Variants in ANAPC10 observed in about 807,000 individuals in gnomAD.
ANAPC10 encodes the protein anaphase-promoting complex subunit 10.
ANAPC10 carries 12 observed loss-of-function variants against 22.0 expected under a neutral mutation model. The observed-to-expected ratio is 0.55, with a 90% confidence interval of 0.35 to 0.88. ANAPC10 has a LOEUF of 0.88. Among genes scored for constraint, ANAPC10 ranks in the 40% least tolerant of loss-of-function variants. The probability of loss-of-function intolerance (pLI) is 0.01; values close to 1 mark genes in which losing one functional copy is unlikely to be tolerated. For synonymous variants in ANAPC10, 65 were observed against 69.5 expected, an observed-to-expected ratio of 0.94 and a Z score of 0.32; for missense variants, 188 against 220.9, an observed-to-expected ratio of 0.85 and a Z score of 0.94.
At position 145,026,958 on chromosome 4, in the gene ANAPC10, T is replaced by TGTATATATAC. The variant is rs1357652240; in HGVS notation, c.328-31356_328-31355insGTATATATAC. On this transcript the variant is annotated intron_variant, in intron 4 of 4. Coordinates refer to ENST00000507656, the MANE Select transcript of ANAPC10 (RefSeq NM_001256706.2). Reference sequence around the variant, plus strand: ...ATATATATATATATGTGTGTGTGTGTATATATATATATATATATATATATA... The same window carrying TGTATATATAC: ...ATATATATATATATGTGTGTGTGTGTGTATATATACATATATATATATATATATATATATA... Among the ~76,000 whole-genome samples, 2 of 16,934 alleles carry TGTATATATAC rather than the reference T, an allele frequency of 1.2e-4. 1 individual carries two copies. Among genetic ancestry groups the TGTATATATAC allele is most frequent in the African/African-American group, 6.5e-4 (2 of 3,090 alleles). 11.1% of individuals were successfully genotyped at this position (16,934 alleles called of 152,430 possible).
At chr4:145,059,562 C>G (rs1742574341) in intron 4 of ANAPC10, among the ~76,000 whole-genome samples, 1 of 152,024 alleles carries the variant, frequency 6.6e-6, no homozygotes. Flanking sequence ...AAGCAATAAA[C>G]CAAAGGACAA....
chr4:145,015,035 C>A, intron 4 of ANAPC10, among the ~76,000 whole-genome samples: 1 of 152,126 alleles, frequency 6.6e-6, no homozygotes, highest in African/African-American at 2.4e-5. Flanking sequence ...GGCTCCTTAA[C>A]ACCCCCCAAA....
intron 4 of ANAPC10, among the ~76,000 whole-genome samples, chr4:145,009,342 C>T (rs926610324): frequency 4.5e-4 from 68 of 152,204 alleles, no homozygotes; most frequent in Non-Finnish European, 8.4e-4. Flanking sequence ...CTTTAAAGTT[C>T]ATATGGAACC....
intron 4 of ANAPC10, among the ~76,000 whole-genome samples, chr4:145,011,891 G>A (rs1734372549): frequency 6.6e-6 from 1 of 152,016 alleles, no homozygotes; most frequent in African/African-American, 2.4e-5. Context: ...ACTTGCCAAG[G>A]GGAAGGAGCA....
chr4:145,009,813 T>A (rs1019003623), intron 4 of ANAPC10, among the ~76,000 whole-genome samples: 1 of 152,118 alleles, frequency 6.6e-6, no homozygotes, highest in Non-Finnish European at 1.5e-5. Context: ...AAAGCCAAAA[T>A]TGACAAATGG....
chr4:145,088,462 T>TACTCCCTCC lies in ANAPC10; in HGVS notation c.116-6721_116-6713dup, dbSNP rs1747209725. ...TTTATTTTTTGACCCAAAATCTATT[T>TACTCCCTCC]ACTCCCTCCACTCCCTCCTTCTTTC... On this transcript the variant is annotated intron_variant, in intron 2 of 4. Coordinates refer to ENST00000507656, the MANE Select transcript of ANAPC10 (RefSeq NM_001256706.2). Among the ~76,000 whole-genome samples, 7 of 152,218 alleles carry TACTCCCTCC rather than the reference T, an allele frequency of 4.6e-5. No individual in the cohort carries two copies. In the South Asian group the frequency reaches 1.4e-3, roughly 31 times the overall value.
At chr4:145,027,552 T>C (rs968293143) in intron 4 of ANAPC10, among the ~76,000 whole-genome samples, 2 of 152,074 alleles carry the variant, frequency 1.3e-5, no homozygotes, top group Non-Finnish European at 2.9e-5. Flanking sequence ...GAAACACATA[T>C]GCAATAAGGC....
chr4:145,005,580 T>C (rs1349363597), intron 4 of ANAPC10, among the ~76,000 whole-genome samples: 1 of 152,166 alleles, frequency 6.6e-6, no homozygotes, highest in Non-Finnish European at 1.5e-5. Context: ...CTTTCTAACT[T>C]TTTGATGTGG....
At chr4:145,083,019 C>G (rs1746306142) in intron 2 of ANAPC10, among the ~76,000 whole-genome samples, 1 of 152,088 alleles carries the variant, frequency 6.6e-6, no homozygotes, top group African/African-American at 2.4e-5. Context: ...TATATGTATT[C>G]TTTCTATTCC....
chr4:145,028,308 C>G lies in ANAPC10; in HGVS notation c.328-32705G>C, dbSNP rs1399976747. 3.3e-5 allele frequency among the ~76,000 whole-genome samples: 5 copies of G among 152,034 alleles called. No homozygotes were observed. In the East Asian group the frequency reaches 9.6e-4, roughly 29 times the overall value. On this transcript the variant is annotated intron_variant, in intron 4 of 4. Transcript: ENST00000507656. ...GAAAAGGAGAGACGAGCCTAGCCTC[C>G]CAGCCTGCATCTTTCTCCCATGATG...
intron 4 of ANAPC10, among the ~76,000 whole-genome samples, chr4:145,062,431 C>T (rs1188548684): frequency 6.6e-6 from 1 of 151,846 alleles, no homozygotes; most frequent in Non-Finnish European, 1.5e-5. Context: ...AACAGCGAAA[C>T]TCCATCTCTA....
chr4:145,080,997 C>G (rs537217479), intron 3 of ANAPC10, among the ~76,000 whole-genome samples: 2 of 151,094 alleles, frequency 1.3e-5, no homozygotes, highest in African/African-American at 4.9e-5. Flanking sequence ...TCAGCCAGGC[C>G]CAGTGGTTCA....
At chr4:145,031,455 T>G (rs2127057316) in intron 4 of ANAPC10, among the ~76,000 whole-genome samples, 1 of 152,312 alleles carries the variant, frequency 6.6e-6, no homozygotes, top group East Asian at 1.9e-4. Context: ...ATTTGGCCCC[T>G]CCTACAACCA....
At chr4:145,065,725 A>G (rs1743577380) in intron 3 of ANAPC10, among the ~76,000 whole-genome samples, 1 of 152,076 alleles carries the variant, frequency 6.6e-6, no homozygotes. Context: ...TCATGTACAT[A>G]TATAGTTACA....
At chr4:145,074,340 C>T (rs1425991967) in intron 3 of ANAPC10, among the ~76,000 whole-genome samples, 1 of 151,896 alleles carries the variant, frequency 6.6e-6, no homozygotes, top group East Asian at 1.9e-4. Context: ...TTTTTCCCTT[C>T]ATTTAATTAT....
At position 145,064,705 on chromosome 4, in the gene ANAPC10, A is replaced by C. The variant is rs979942999; in HGVS notation, c.207-13T>G. On this transcript the variant is annotated splice_polypyrimidine_tract_variant and intron_variant, in intron 3 of 4. Transcript: ENST00000507656. ...TGTTGTTTTTCTTCTAAAAGCAATAAAGTAAAAATAACATGCACTTCATCA... is the reference window on the plus strand; with the variant it reads ...TGTTGTTTTTCTTCTAAAAGCAATACAGTAAAAATAACATGCACTTCATCA... 1.2e-5 allele frequency: 18 copies of C among 1,489,240 alleles called. No individual in the cohort carries two copies. In the East Asian group the frequency reaches 4.4e-4, roughly 36 times the overall value. The allele number at this position is 1,489,240 out of a possible 1,614,324, so 92.3% of individuals were successfully genotyped here.
intron 4 of ANAPC10, among the ~76,000 whole-genome samples, chr4:145,048,490 T>C (rs1232494841): frequency 1.3e-5 from 2 of 152,182 alleles, no homozygotes; most frequent in African/African-American, 4.8e-5. Context: ...ATTCTTCTAC[T>C]TACAGATTCA....
chr4:144,997,528 A>G (rs569248505), intron 4 of ANAPC10, among the ~76,000 whole-genome samples: 2 of 152,342 alleles, frequency 1.3e-5, no homozygotes, highest in South Asian at 4.1e-4. Context: ...TTTACAGACA[A>G]GCAAATGCTG....
At chr4:145,013,946 C>T (rs1734725834) in intron 4 of ANAPC10, among the ~76,000 whole-genome samples, 5 of 152,038 alleles carry the variant, frequency 3.3e-5, no homozygotes, top group Admixed American at 3.3e-4. Flanking sequence ...TTGCTGGGTC[C>T]CCAGGCAGGC....
Sources: gnomAD v4.1 joint callset for allele counts (sites outside exome capture counted in the v4.1 genomes callset) on GRCh38, gnomAD v4.1.1 for gene constraint, MANE v1.5 for transcripts, NCBI Gene and HGNC (gene_info 2026-07-23, HGNC 2026-07-21) for gene names.